FSTL5: variants seen among roughly 807,000 people sequenced by gnomAD.
The protein encoded by FSTL5 is follistatin like 5.
FSTL5 carries 62 observed loss-of-function variants against 89.1 expected under a neutral mutation model. The ratio of observed to expected loss-of-function variants is 0.70; its 90% confidence interval spans 0.57 to 0.86. The LOEUF is 0.86. FSTL5 is among the 40% of genes least tolerant of loss of function. The pLI is 0.00. For missense variants in FSTL5, 1,057 were observed against 1,001.6 expected (o/e 1.06, Z -0.75); for synonymous variants, 383 against 346.2 (o/e 1.11, Z -1.18).
At chr4:161,714,477 T>A (rs1738908198) in intron 6 of FSTL5, among the ~76,000 whole-genome samples, 1 of 152,126 alleles carries the variant, frequency 6.6e-6, no homozygotes, top group Admixed American at 6.5e-5. Context: ...AAAATAATTT[T>A]AAAAATGGGT....
intron 5 of FSTL5, among the ~76,000 whole-genome samples, chr4:161,769,172 C>T (rs1741121267): frequency 6.6e-6 from 1 of 151,852 alleles, no homozygotes; most frequent in Admixed American, 6.6e-5. Flanking sequence ...AGACTAATAA[C>T]AAGTAATGAG....
At chr4:161,991,719 A>G (rs1277657171) in intron 3 of FSTL5, among the ~76,000 whole-genome samples, 2 of 152,140 alleles carry the variant, frequency 1.3e-5, no homozygotes, top group Non-Finnish European at 2.9e-5. Context: ...GGATTTTGGT[A>G]CATGCAGGTG....
At chr4:161,793,962 A>G (rs1729553736) in intron 4 of FSTL5, among the ~76,000 whole-genome samples, 1 of 152,162 alleles carries the variant, frequency 6.6e-6, no homozygotes, top group Non-Finnish European at 1.5e-5. Context: ...CTTGGTATAT[A>G]TAAGAAAGGC....
intron 6 of FSTL5, among the ~76,000 whole-genome samples, chr4:161,679,337 G>T (rs923006191): frequency 6.6e-6 from 1 of 151,472 alleles, no homozygotes; most frequent in African/African-American, 2.4e-5. Flanking sequence ...TTCATGCGTT[G>T]CAGGTTTTGA....
intron 11 of FSTL5, among the ~76,000 whole-genome samples, chr4:161,507,499 T>A (rs1196765871): frequency 6.6e-6 from 1 of 151,786 alleles, no homozygotes; most frequent in Non-Finnish European, 1.5e-5. Context: ...GAAAGTTTCT[T>A]TAGAGCAGAT....
At chr4:162,129,873 AAGAG>A (rs1177896144) in intron 1 of FSTL5, among the ~76,000 whole-genome samples, 1 of 152,240 alleles carries the variant, frequency 6.6e-6, no homozygotes, top group Admixed American at 6.5e-5. Context: ...GATTTAATCA[AAGAG>A]AGGCATCATT....
chr4:161,866,465 AGTGTGTGTGT>A (rs70937692), intron 4 of FSTL5, among the ~76,000 whole-genome samples: 13,364 of 131,908 alleles, frequency 0.1, 695 homozygotes, highest in East Asian at 0.17. Context: ...TCTAAGCTGT[AGTGTGTGTGT>A]GTGTGTGTGT....
intron 3 of FSTL5, among the ~76,000 whole-genome samples, chr4:161,957,320 T>G (rs1253438059): frequency 6.6e-6 from 1 of 152,218 alleles, no homozygotes; most frequent in Admixed American, 6.6e-5. Context: ...ATTAGACTCC[T>G]ACACAAACCT....
chr4:161,947,912 T>TCTTATA (rs140357632), intron 3 of FSTL5, among the ~76,000 whole-genome samples: 28,206 of 151,916 alleles, frequency 0.19, 2,696 homozygotes, highest in African/African-American at 0.22. Flanking sequence ...TAACAGCTTT[T>TCTTATA]CTTATATTTA....
At chr4:161,689,514 T>G (rs532372810) in intron 6 of FSTL5, among the ~76,000 whole-genome samples, 4 of 152,288 alleles carry the variant, frequency 2.6e-5, no homozygotes, top group African/African-American at 9.6e-5. Context: ...TTCATTAAAA[T>G]GCATTTTAAA....
At chr4:161,624,127 A>G (rs988282147) in intron 7 of FSTL5, among the ~76,000 whole-genome samples, 21 of 152,204 alleles carry the variant, frequency 1.4e-4, no homozygotes, top group African/African-American at 4.8e-4. Flanking sequence ...ATTTGAGGCA[A>G]TTAGTAAAGA....
intron 2 of FSTL5, among the ~76,000 whole-genome samples, chr4:162,078,038 T>C (rs1451781396): frequency 6.6e-6 from 1 of 151,878 alleles, no homozygotes; most frequent in East Asian, 1.9e-4. Context: ...GTTAACAGCA[T>C]AAACTAACTC....
chr4:161,616,816 T>C (rs1328403856), intron 7 of FSTL5, among the ~76,000 whole-genome samples: 1 of 137,762 alleles, frequency 7.3e-6, no homozygotes, highest in Non-Finnish European at 1.5e-5. Flanking sequence ...TGTTTACCTA[T>C]GTAACAAACC....
At chr4:161,710,062 G>C (rs529124389) in intron 6 of FSTL5, among the ~76,000 whole-genome samples, 1 of 151,920 alleles carries the variant, frequency 6.6e-6, no homozygotes, top group Non-Finnish European at 1.5e-5. Context: ...TTTACTTCCT[G>C]GGGTCAAGCA....
chr4:161,661,019 T>G (rs1736688348), intron 6 of FSTL5, among the ~76,000 whole-genome samples: 1 of 152,116 alleles, frequency 6.6e-6, no homozygotes, highest in Non-Finnish European at 1.5e-5. Flanking sequence ...GATTTCTGGG[T>G]CAATGGGAGT....
intron 3 of FSTL5, 64 bp from the exon 4 acceptor site, chr4:161,920,716 A>C (rs1733972796): frequency 6.9e-7 from 1 of 1,459,556 alleles, no homozygotes; most frequent in East Asian, 2.3e-5. Flanking sequence ...TATATATTTC[A>C]GAGTATCAAG....
chr4:161,809,206 G>C (rs959514948), intron 4 of FSTL5, among the ~76,000 whole-genome samples: 1 of 152,120 alleles, frequency 6.6e-6, no homozygotes, highest in South Asian at 2.1e-4. Context: ...GCAACACAGC[G>C]AGACTCCATC....
intron 11 of FSTL5, among the ~76,000 whole-genome samples, chr4:161,507,936 A>C (rs2126496004): frequency 6.6e-6 from 1 of 152,054 alleles, no homozygotes; most frequent in Admixed American, 6.6e-5. Context: ...AGGTTTTATA[A>C]TTGGTTCTCT....
chr4:161,816,905 A>T (rs1279015481), intron 4 of FSTL5, among the ~76,000 whole-genome samples: 1 of 152,198 alleles, frequency 6.6e-6, no homozygotes, highest in Non-Finnish European at 1.5e-5. Context: ...ATTTTATGTA[A>T]TTAATCTGTG....
Sources: allele counts gnomAD v4.1 joint callset (sites outside exome capture counted in the v4.1 genomes callset), GRCh38; gene constraint gnomAD v4.1.1; transcripts MANE v1.5; gene names NCBI Gene and HGNC (gene_info 2026-07-23, HGNC 2026-07-21).